Variants in ATXN7 observed in about 807,000 individuals in gnomAD.
The protein encoded by ATXN7 is ataxin 7.
A neutral mutation model predicts 70.5 loss-of-function variants in ATXN7; 12 were observed. That is an observed-to-expected ratio of 0.17 (90% CI 0.11 to 0.28). ATXN7 has a LOEUF of 0.28. Ranked by LOEUF, ATXN7 falls within the 10% of genes least tolerant of loss-of-function variation. The pLI, the probability that ATXN7 is intolerant of heterozygous loss-of-function variation, is 1.00. For missense variants in ATXN7, 1,256 were observed against 1,131.7 expected, an observed-to-expected ratio of 1.11 and a Z score of -1.58; for synonymous variants, 498 against 448.7, an observed-to-expected ratio of 1.11 and a Z score of -1.39.
intron 4 of ATXN7, among the ~76,000 whole-genome samples, chr3:63,951,494 GAT>G (rs1453657422): frequency 1.3e-5 from 2 of 152,162 alleles, no homozygotes; most frequent in African/African-American, 4.8e-5. Context: ...ATTCATTGCA[GAT>G]ATTCTAAAGA....
chr3:63,895,137 T>A (rs1245525966), intron 1 of ATXN7, among the ~76,000 whole-genome samples: 1 of 152,218 alleles, frequency 6.6e-6, no homozygotes, highest in African/African-American at 2.4e-5. Context: ...GAATTTAAGT[T>A]TATACTGTTA....
chr3:63,903,597 C>T lies in ATXN7; in HGVS notation c.-12+5100C>T, dbSNP rs1559625586. On this transcript the variant is annotated intron_variant, in intron 2 of 12. Coordinates refer to ENST00000674280, the MANE Select transcript of ATXN7 (RefSeq NM_001377405.1). ...GAATTGTTATAAAATGTGAAAGTAG[C>T]TAACACACTGAGCACTTAATATGTG... The T allele has an allele frequency of 2.0e-5, 3 of 152,146 alleles. No individual in the cohort carries two copies. In the South Asian group the frequency reaches 6.2e-4, roughly 32 times the overall value. 9.4% of individuals were successfully genotyped at this position (152,146 alleles called of 1,614,324 possible).
chr3:63,890,714 A>G (rs1467127071), intron 1 of ATXN7, among the ~76,000 whole-genome samples: 2 of 152,224 alleles, frequency 1.3e-5, no homozygotes, highest in East Asian at 1.9e-4. Flanking sequence ...AGAATACTTT[A>G]TAAGAGTAGG....
chr3:63,928,892 G>A (rs1457335927), intron 4 of ATXN7, among the ~76,000 whole-genome samples: 1 of 152,222 alleles, frequency 6.6e-6, no homozygotes, highest in Non-Finnish European at 1.5e-5. Context: ...TAATGTTTTA[G>A]ATAATAGCAG....
intron 1 of ATXN7, among the ~76,000 whole-genome samples, chr3:63,889,998 A>G (rs1236167541): frequency 6.6e-6 from 1 of 152,182 alleles, no homozygotes; most frequent in Non-Finnish European, 1.5e-5. Flanking sequence ...TAAAGTAGCT[A>G]TTGGGATAGA....
intron 8 of ATXN7, among the ~76,000 whole-genome samples, chr3:63,985,752 G>A (rs1044946886): frequency 6.6e-6 from 1 of 152,088 alleles, no homozygotes; most frequent in African/African-American, 2.4e-5. Flanking sequence ...TGCCTTCCAC[G>A]CGGAGAGATT....
At chr3:63,869,405 C>G (rs939144509) in intron 1 of ATXN7, among the ~76,000 whole-genome samples, 1 of 152,094 alleles carries the variant, frequency 6.6e-6, no homozygotes, top group Non-Finnish European at 1.5e-5. Context: ...AAGGAGATAT[C>G]ATACATCTTT....
intron 4 of ATXN7, among the ~76,000 whole-genome samples, chr3:63,914,560 C>T (rs1559630270): frequency 6.6e-6 from 1 of 152,182 alleles, no homozygotes; most frequent in Admixed American, 6.5e-5. Context: ...ATTAAAATCA[C>T]TAGGTGGCAA....
At chr3:63,949,256 CTTT>C (rs763880324) in intron 4 of ATXN7, among the ~76,000 whole-genome samples, 5 of 135,226 alleles carry the variant, frequency 3.7e-5, no homozygotes, top group Admixed American at 7.4e-5. Context: ...TATAGAATTC[CTTT>C]TTTTTTTTTT....
At chr3:63,885,168 A>C (rs953726678) in intron 1 of ATXN7, among the ~76,000 whole-genome samples, 2 of 152,232 alleles carry the variant, frequency 1.3e-5, no homozygotes, top group Non-Finnish European at 1.5e-5. Flanking sequence ...TAGTCAACAG[A>C]GTGAAAAGAC....
In ATXN7 at chr3:64,001,490, T is replaced by G. The variant is rs1378264640; in HGVS notation, c.*2023T>G. 1 of 152,204 alleles carries G rather than the reference T, an allele frequency of 6.6e-6. No homozygotes were observed. Among genetic ancestry groups the G allele is most frequent in the African/African-American group, 2.4e-5 (1 of 41,450 alleles). 9.4% of individuals were successfully genotyped at this position (152,204 alleles called of 1,614,324 possible). A position where few individuals can be genotyped will look rare whatever the true frequency, so the allele number is the denominator to read the frequency against. On this transcript the variant is annotated 3_prime_UTR_variant, in exon 13 of 13. Transcript: ENST00000674280. ...AATTTATTTTCAGAGCCAAGAGGAC[T>G]TGATGGTTATAAATAAAGTTGCCTT... is the stretch of plus-strand genomic sequence containing the variant.
At chr3:63,872,638 AC>A (rs1702632876) in intron 1 of ATXN7, among the ~76,000 whole-genome samples, 1 of 152,050 alleles carries the variant, frequency 6.6e-6, no homozygotes, top group African/African-American at 2.4e-5. Flanking sequence ...GGACAAAGAT[AC>A]CCCCTCTTGA....
intron 5 of ATXN7, among the ~76,000 whole-genome samples, chr3:63,963,361 A>G (rs1352513187): frequency 3.3e-5 from 5 of 152,234 alleles, no homozygotes; most frequent in Non-Finnish European, 7.3e-5. Flanking sequence ...ATATAAATAC[A>G]CAAATGTAAT....
chr3:63,923,938 A>G (rs1230173212), intron 4 of ATXN7, among the ~76,000 whole-genome samples: 1 of 152,084 alleles, frequency 6.6e-6, no homozygotes, highest in Non-Finnish European at 1.5e-5. Flanking sequence ...AGTGTAATGA[A>G]AGTTGGGGGG....
intron 2 of ATXN7, 144 bp downstream of exon 2, chr3:63,898,641 T>G (rs150852574): frequency 6.6e-6 from 1 of 152,352 alleles, no homozygotes; most frequent in African/African-American, 2.4e-5. Flanking sequence ...ATCCTGAATA[T>G]GATCTTAGAA....
At chr3:63,967,891 A>G in intron 5 of ATXN7, 4 of 1,535,894 alleles carry the variant, frequency 2.6e-6, no homozygotes, top group Non-Finnish European at 3.5e-6. Context: ...GTGTGCAATG[A>G]AGCACAACCA....
chr3:63,940,554 A>G (rs1286166752), intron 4 of ATXN7, among the ~76,000 whole-genome samples: 1 of 152,176 alleles, frequency 6.6e-6, no homozygotes, highest in Admixed American at 6.5e-5. Context: ...CATAACCACA[A>G]TAATAATAAT....
intron 10 of ATXN7, 138 bp from the exon 11 acceptor site, chr3:63,990,600 C>T: frequency 7.2e-7 from 1 of 1,395,288 alleles, no homozygotes; most frequent in Non-Finnish European, 1.0e-6. Flanking sequence ...GGCATTGTCA[C>T]TCTCATGCTT....
Position 63,999,590 on chromosome 3 carries a change from A to G in ATXN7, c.*123A>G. The G allele has an allele frequency of 2.6e-6, 4 of 1,535,904 alleles. No individual in the cohort carries two copies. The highest frequency in any genetic ancestry group is 2.4e-5 in the East Asian group (1 of 41,748). ...TTTTCCCAACCTCCTGTGGGCCTCA[A>G]GGGTAGAAACCTGCCGGGCTGTTGT... On this transcript the variant is annotated 3_prime_UTR_variant, in exon 13 of 13. Transcript: ENST00000674280.
Sources: allele counts gnomAD v4.1 joint callset (sites outside exome capture counted in the v4.1 genomes callset), GRCh38; gene constraint gnomAD v4.1.1; transcripts MANE v1.5; gene names NCBI Gene and HGNC (gene_info 2026-07-23, HGNC 2026-07-21).